FILIP1L: variants seen among roughly 807,000 people sequenced by gnomAD.
FILIP1L encodes the protein filamin A interacting protein 1 like, also known as filamin A-interacting protein 1-like.
In FILIP1L, 55 loss-of-function variants were observed where a neutral mutation model predicts 96.6. The observed-to-expected ratio is 0.57, with a 90% CI of 0.46 to 0.71. The LOEUF is 0.71. Ranked by LOEUF, FILIP1L falls within the 30% of genes least tolerant of loss-of-function variation. FILIP1L has a pLI of 0.00. For missense variants in FILIP1L, 1,304 were observed against 1,321.2 expected (o/e 0.99, Z 0.20); for synonymous variants, 467 against 473.9 (o/e 0.99, Z 0.19).
intron 1 of FILIP1L, among the ~76,000 whole-genome samples, chr3:100,063,028 A>T (rs981342089): frequency 2.6e-5 from 4 of 152,258 alleles, no homozygotes; most frequent in African/African-American, 9.6e-5. Context: ...GTTCTCAGGC[A>T]TCCTCAAGAT....
intron 5 of FILIP1L, among the ~76,000 whole-genome samples, chr3:99,843,601 G>A (rs1385563466): frequency 6.6e-6 from 1 of 152,160 alleles, no homozygotes; most frequent in Non-Finnish European, 1.5e-5. Flanking sequence ...TTGAAAATAT[G>A]TTTAATACAC....
intron 1 of FILIP1L, among the ~76,000 whole-genome samples, chr3:100,039,495 A>G (rs562691825): frequency 2.6e-5 from 4 of 152,190 alleles, no homozygotes; most frequent in Admixed American, 1.3e-4. Context: ...AGTAAAATTT[A>G]TTTCAAATTA....
chr3:99,899,768 G>C (rs1474457257), intron 4 of FILIP1L, among the ~76,000 whole-genome samples: 1 of 152,174 alleles, frequency 6.6e-6, no homozygotes, highest in Non-Finnish European at 1.5e-5. Context: ...TGATGAACCA[G>C]ACTCCCTGGG....
chr3:99,971,090 C>T (rs1280401246), intron 1 of FILIP1L, among the ~76,000 whole-genome samples: 1 of 152,176 alleles, frequency 6.6e-6, no homozygotes, highest in Admixed American at 6.5e-5. Flanking sequence ...GTAATCCCAG[C>T]ACTTTGGGAG....
At chr3:99,998,778 C>G (rs1044406554) in intron 1 of FILIP1L, among the ~76,000 whole-genome samples, 1 of 152,150 alleles carries the variant, frequency 6.6e-6, no homozygotes, top group African/African-American at 2.4e-5. Context: ...ACCGTATTAG[C>G]CAGGATGGTC....
chr3:99,936,869 A>G (rs775951709), intron 1 of FILIP1L, among the ~76,000 whole-genome samples: 1 of 152,168 alleles, frequency 6.6e-6, no homozygotes, highest in Non-Finnish European at 1.5e-5. Flanking sequence ...ACAAACATTT[A>G]TGAAATGAAG....
chr3:99,954,474 G>T lies in FILIP1L; in HGVS notation c.-10-23444C>A, dbSNP rs141098894. ...TCAGTTAATGGCAAAACCAGAAAAAGAACTCAACCTCTGTTTGACTCTCAG... is the reference window on the plus strand; with the variant it reads ...TCAGTTAATGGCAAAACCAGAAAAATAACTCAACCTCTGTTTGACTCTCAG... On this transcript the variant is annotated intron_variant, in intron 1 of 5. Coordinates refer to ENST00000477258, the MANE Select transcript of FILIP1L (RefSeq NM_001387850.1). Among the ~76,000 whole-genome samples the T allele has an allele frequency of 4.5e-3, 684 of 152,210 alleles. 6 individuals carry two copies. Among genetic ancestry groups the T allele is most frequent in the African/African-American group, 0.016 (670 of 41,532 alleles).
chr3:99,844,696 G>C (rs556987091), intron 5 of FILIP1L, among the ~76,000 whole-genome samples: 1 of 152,210 alleles, frequency 6.6e-6, no homozygotes, highest in African/African-American at 2.4e-5. Flanking sequence ...TCCTTTATGG[G>C]TTATGTATGT....
chr3:99,933,203 A>G lies in FILIP1L; in HGVS notation c.-10-2173T>C, dbSNP rs578077597. Among the ~76,000 whole-genome samples, 282 of 152,340 alleles carry G rather than the reference A, an allele frequency of 1.9e-3. 1 individual carries two copies. Among genetic ancestry groups the G allele is most frequent in the African/African-American group, 6.5e-3 (271 of 41,570 alleles). On this transcript the variant is annotated intron_variant, in intron 1 of 5. Coordinates refer to ENST00000477258, the MANE Select transcript of FILIP1L (RefSeq NM_001387850.1). ...GTCATTATGCTGTATTGCCTAAGAC[A>G]AATGCATATATACACTGGTACAAAT...
At chr3:99,867,085 A>T (rs987170017) in intron 4 of FILIP1L, among the ~76,000 whole-genome samples, 3 of 152,192 alleles carry the variant, frequency 2.0e-5, no homozygotes, top group African/African-American at 7.2e-5. Context: ...TTTTAAGATG[A>T]ACATGTTCTA....
rs1206658933 is a variant in FILIP1L at position 100,021,976 on chromosome 3, A to T, written c.-10-90946T>A. Among the ~76,000 whole-genome samples the T allele has an allele frequency of 1.8e-3, 271 of 150,686 alleles. 1 individual carries two copies. Among genetic ancestry groups the T allele is most frequent in the African/African-American group, 6.4e-3 (263 of 40,818 alleles). On this transcript the variant is annotated intron_variant, in intron 1 of 5. Transcript: ENST00000477258. ...GTGTGTGTGTGAGAGAGAGAGAGAG[A>T]GAGAGAGAGAGAGAGAGATATGAGG...
intron 1 of FILIP1L, among the ~76,000 whole-genome samples, chr3:99,955,631 G>C (rs1000288838): frequency 2.0e-5 from 3 of 152,134 alleles, no homozygotes; most frequent in African/African-American, 7.2e-5. Context: ...TTTTCCTGGA[G>C]CTCCGTTAGT....
At chr3:100,081,839 T>C (rs1203334678) in intron 1 of FILIP1L, among the ~76,000 whole-genome samples, 2 of 150,818 alleles carry the variant, frequency 1.3e-5, no homozygotes, top group East Asian at 1.9e-4. Flanking sequence ...CTGTGCATTG[T>C]AGGATGTTTA....
intron 1 of FILIP1L, among the ~76,000 whole-genome samples, chr3:100,102,385 A>G (rs1034779494): frequency 6.6e-6 from 1 of 152,208 alleles, no homozygotes; most frequent in Non-Finnish European, 1.5e-5. Context: ...ATAACTAAAT[A>G]TCCTTGGAAA....
chr3:100,081,041 G>A (rs1049785954), intron 1 of FILIP1L, among the ~76,000 whole-genome samples: 11 of 152,156 alleles, frequency 7.2e-5, no homozygotes, highest in Non-Finnish European at 1.6e-4. Flanking sequence ...TGTAATGAAG[G>A]TGTTATTTTA....
chr3:99,998,633 G>A (rs1709750829), intron 1 of FILIP1L, among the ~76,000 whole-genome samples: 1 of 152,130 alleles, frequency 6.6e-6, no homozygotes. Context: ...TGCGATCTCG[G>A]CTCACTGCAA....
intron 1 of FILIP1L, among the ~76,000 whole-genome samples, chr3:99,940,987 G>A (rs779681986): frequency 6.6e-6 from 1 of 152,188 alleles, no homozygotes; most frequent in Non-Finnish European, 1.5e-5. Flanking sequence ...AAGCCATTTG[G>A]CTCCCCTTTC....
intron 4 of FILIP1L, among the ~76,000 whole-genome samples, chr3:99,918,168 G>A (rs1292197363): frequency 6.6e-6 from 1 of 151,994 alleles, no homozygotes; most frequent in East Asian, 1.9e-4. Flanking sequence ...AGTAGAGACA[G>A]GGTTTCACCA....
chr3:100,071,525 G>A (rs1319461479), intron 1 of FILIP1L, among the ~76,000 whole-genome samples: 2 of 152,126 alleles, frequency 1.3e-5, no homozygotes, highest in Non-Finnish European at 2.9e-5. Flanking sequence ...AAGGGTGGGG[G>A]GCAGAGTACA....
Sources: allele counts gnomAD v4.1 joint callset (sites outside exome capture counted in the v4.1 genomes callset), GRCh38; gene constraint gnomAD v4.1.1; transcripts MANE v1.5; gene names NCBI Gene and HGNC (gene_info 2026-07-23, HGNC 2026-07-21).